TLL1: variants seen among roughly 807,000 people sequenced by gnomAD.
TLL1 encodes the protein tolloid like 1.
Under a neutral mutation model 128.2 loss-of-function variants are expected in TLL1, and 49 were observed. That is an observed-to-expected ratio of 0.38 (90% confidence interval 0.30 to 0.48). TLL1 has a LOEUF of 0.48. Among genes scored for constraint, TLL1 ranks in the 20% least tolerant of loss-of-function variants. The pLI is 0.96. For synonymous variants in TLL1, 454 were observed against 418.8 expected (o/e 1.08, Z -1.03); for missense variants, 1,123 against 1,242.0 (o/e 0.90, Z 1.44).
At chr4:165,968,712 T>A (rs1735501994) in intron 1 of TLL1, among the ~76,000 whole-genome samples, 1 of 152,184 alleles carries the variant, frequency 6.6e-6, no homozygotes, top group Non-Finnish European at 1.5e-5. Context: ...TAAAGAAAAC[T>A]ATTTCAGTCA....
intron 17 of TLL1, among the ~76,000 whole-genome samples, 164 bp from the exon 18 acceptor site, chr4:166,077,739 C>A (rs192571796): frequency 1.9e-3 from 293 of 152,218 alleles, no homozygotes; most frequent in African/African-American, 6.3e-3. Flanking sequence ...TACTCAGCAA[C>A]GTATTTTCCA....
chr4:165,919,825 T>C (rs1226232137), intron 1 of TLL1: 1 of 456,162 alleles, frequency 2.2e-6, no homozygotes, highest in Non-Finnish European at 4.4e-6. Context: ...TGTGCTTCTT[T>C]ACTTCCAGAC....
chr4:166,022,043 C>A (rs150544067), intron 8 of TLL1, among the ~76,000 whole-genome samples: 1,753 of 152,070 alleles, frequency 0.012, 44 homozygotes, highest in African/African-American at 0.039. Flanking sequence ...AATTTTAAAC[C>A]AAAATTGTAT....
chr4:165,963,077 A>AG (rs1735195852), intron 1 of TLL1, among the ~76,000 whole-genome samples: 1 of 150,324 alleles, frequency 6.7e-6, no homozygotes, highest in South Asian at 2.1e-4. Flanking sequence ...AAAAAAAAAA[A>AG]AAAGTGGTAG....
At chr4:165,940,152 C>A (rs1733942332) in intron 1 of TLL1, among the ~76,000 whole-genome samples, 1 of 151,912 alleles carries the variant, frequency 6.6e-6, no homozygotes, top group African/African-American at 2.4e-5. Context: ...TCTTTCTGGA[C>A]ATTTTCATTT....
chr4:166,087,999 A>T lies in TLL1; in HGVS notation c.2443-3129A>T, dbSNP rs148235369. Among the ~76,000 whole-genome samples the T allele has an allele frequency of 2.3e-3, 344 of 152,288 alleles. 2 individuals are homozygous for T. The highest frequency in any genetic ancestry group is 7.9e-3 in the African/African-American group (329 of 41,574). ...AGATTAGTAACCCTGAAATTATAGA[A>T]ATATAATCATGGAATGAGTATGCTT... On this transcript the variant is annotated intron_variant, in intron 18 of 20. Transcript: ENST00000061240.
At chr4:165,910,485 T>C (rs535924015) in intron 1 of TLL1, among the ~76,000 whole-genome samples, 8 of 152,316 alleles carry the variant, frequency 5.3e-5, no homozygotes, top group Admixed American at 5.2e-4. Flanking sequence ...TAAATCTTAA[T>C]TTCTTCTGCT....
chr4:165,938,096 A>T (rs1239117356), intron 1 of TLL1, among the ~76,000 whole-genome samples: 1 of 151,974 alleles, frequency 6.6e-6, no homozygotes, highest in East Asian at 1.9e-4. Context: ...TTGGATACAC[A>T]GTTTGATATG....
chr4:166,098,334 C>CAAAAAAAAAA (rs3047106), intron 19 of TLL1, among the ~76,000 whole-genome samples: 2 of 110,400 alleles, frequency 1.8e-5, no homozygotes, highest in African/African-American at 3.6e-5. Flanking sequence ...GAGTTCTTCT[C>CAAAAAAAAAA]AAAAAAAAAA....
chr4:165,940,888 A>G (rs983608950), intron 1 of TLL1, among the ~76,000 whole-genome samples: 1 of 151,998 alleles, frequency 6.6e-6, no homozygotes, highest in Non-Finnish European at 1.5e-5. Context: ...TTTGGGGGCT[A>G]TTTCTTCCTA....
chr4:166,093,664 G>A (rs1043337048), intron 19 of TLL1, among the ~76,000 whole-genome samples: 2 of 152,174 alleles, frequency 1.3e-5, no homozygotes, highest in South Asian at 2.1e-4. Context: ...GCTGGGGGAC[G>A]GTCAGGCCTT....
chr4:166,044,515 A>G, intron 12 of TLL1: 2 of 1,127,180 alleles, frequency 1.8e-6, no homozygotes, highest in Non-Finnish European at 2.5e-6. Context: ...TTTTGTTACC[A>G]AAAAAATATA....
At chr4:166,010,480 T>C (rs957274499) in intron 7 of TLL1, among the ~76,000 whole-genome samples, 4 of 151,206 alleles carry the variant, frequency 2.6e-5, no homozygotes, top group Non-Finnish European at 4.4e-5. Flanking sequence ...ATCAGGTTAT[T>C]TGATTATTTT....
intron 1 of TLL1, among the ~76,000 whole-genome samples, chr4:165,929,895 G>A (rs952722718): frequency 6.6e-6 from 1 of 152,144 alleles, no homozygotes; most frequent in African/African-American, 2.4e-5. Context: ...TTCCACTCTT[G>A]ATATCAGCTC....
At chr4:166,064,946 T>TCA in intron 15 of TLL1, among the ~76,000 whole-genome samples, 1 of 152,218 alleles carries the variant, frequency 6.6e-6, no homozygotes, top group Non-Finnish European at 1.5e-5. Context: ...TGTAATAAGG[T>TCA]CATTCATGCA....
chr4:166,065,820 C>T lies in TLL1; in HGVS notation c.2145C>T (p.Asp715=). ...ATATGAGAATTGAATTCAAATCTGA[C>T]AATACTGTATCCAAGAAGGGCTTCA... is the stretch of plus-strand genomic sequence containing the variant. The part of the protein sequence containing the change: ...FNNMRIEFKS[D]NTVSKKGFKA... The change falls in exon 16 of 21, where the codon GAC becomes GAT. Residue 715 remains aspartate (D), a synonymous_variant. Coordinates refer to ENST00000061240, the MANE Select transcript of TLL1 (RefSeq NM_012464.5). 6.2e-7 allele frequency: 1 copy of T among 1,612,886 alleles called. No individual in the cohort carries two copies. The highest frequency in any genetic ancestry group is 8.5e-7 in the Non-Finnish European group (1 of 1,179,236).
intron 1 of TLL1, among the ~76,000 whole-genome samples, chr4:165,910,545 C>G (rs1214559395): frequency 6.6e-6 from 1 of 152,120 alleles, no homozygotes; most frequent in Non-Finnish European, 1.5e-5. Flanking sequence ...CCATCTCTGG[C>G]ATCTTGTCAT....
intron 1 of TLL1, among the ~76,000 whole-genome samples, chr4:165,923,421 CTTTT>C (rs758162016): frequency 3.8e-3 from 272 of 70,822 alleles, no homozygotes; most frequent in African/African-American, 0.013. Context: ...ATAGGTATAC[CTTTT>C]TTTTTTTTTT....
chr4:165,994,314 T>A (rs201121948), intron 3 of TLL1, 67 bp from the exon 4 acceptor site: 425 of 1,595,314 alleles, frequency 2.7e-4, no homozygotes, highest in Non-Finnish European at 3.4e-4. Context: ...ACTTTTGTCC[T>A]TTAAGAGGTA....
Sources: allele counts gnomAD v4.1 joint callset (sites outside exome capture counted in the v4.1 genomes callset), GRCh38; gene constraint gnomAD v4.1.1; transcripts MANE v1.5; gene names NCBI Gene and HGNC (gene_info 2026-07-23, HGNC 2026-07-21).